LCLAT1: variants seen among roughly 807,000 people sequenced by gnomAD.
The protein encoded by LCLAT1 is lysocardiolipin acyltransferase 1, also known as 1-AGP acyltransferase 8.
Under a neutral mutation model 30.7 loss-of-function variants are expected in LCLAT1, and 11 were observed. That is an observed-to-expected ratio of 0.36 (90% confidence interval 0.23 to 0.59). LCLAT1 has a LOEUF of 0.59. Among genes scored for constraint, LCLAT1 ranks in the 20% least tolerant of loss-of-function variants. The pLI, the probability that LCLAT1 is intolerant of heterozygous loss-of-function variation, is 0.77. For missense variants in LCLAT1, 402 were observed against 458.6 expected (o/e 0.88, Z 1.13); for synonymous variants, 155 against 151.3 (o/e 1.02, Z -0.18).
intron 5 of LCLAT1, among the ~76,000 whole-genome samples, chr2:30,579,413 T>G (rs1003077297): frequency 6.6e-6 from 1 of 152,178 alleles, no homozygotes; most frequent in African/African-American, 2.4e-5. Flanking sequence ...GTAGTTAATA[T>G]CATGTGATTA....
intron 2 of LCLAT1, among the ~76,000 whole-genome samples, chr2:30,527,858 T>C (rs1019925615): frequency 2.6e-5 from 4 of 152,348 alleles, no homozygotes; most frequent in East Asian, 3.9e-4. Context: ...ATATTAATTT[T>C]AGGCTAAACT....
chr2:30,511,775 C>T (rs1261592920), intron 1 of LCLAT1, among the ~76,000 whole-genome samples: 2 of 152,202 alleles, frequency 1.3e-5, no homozygotes, highest in African/African-American at 2.4e-5. Context: ...AGAGAATAGA[C>T]ATGCAAGTTT....
intron 3 of LCLAT1, among the ~76,000 whole-genome samples, chr2:30,556,090 G>A (rs924188999): frequency 7.2e-5 from 11 of 151,836 alleles, no homozygotes; most frequent in Non-Finnish European, 1.3e-4. Context: ...CACCGTGACC[G>A]GCAACAAACT....
chr2:30,578,859 T>G (rs1028043963), intron 5 of LCLAT1, among the ~76,000 whole-genome samples: 1 of 152,140 alleles, frequency 6.6e-6, no homozygotes, highest in African/African-American at 2.4e-5. Context: ...TTCATTCACA[T>G]TAGTGTCTTA....
intron 5 of LCLAT1, among the ~76,000 whole-genome samples, chr2:30,579,070 C>A (rs1231774659): frequency 6.6e-6 from 1 of 152,132 alleles, no homozygotes; most frequent in Non-Finnish European, 1.5e-5. Context: ...GTTGCCACGG[C>A]ACCTGGCCTG....
chr2:30,491,766 G>T (rs1178322952), intron 1 of LCLAT1, among the ~76,000 whole-genome samples: 2 of 152,080 alleles, frequency 1.3e-5, no homozygotes, highest in African/African-American at 4.8e-5. Context: ...TTGCATTTGT[G>T]GTAGTACTCC....
At chr2:30,530,946 G>A (rs1685951826) in intron 2 of LCLAT1, among the ~76,000 whole-genome samples, 2 of 152,128 alleles carry the variant, frequency 1.3e-5, no homozygotes, top group African/African-American at 2.4e-5. Flanking sequence ...GTTTAGATTT[G>A]AGGTTTGGAA....
chr2:30,537,397 A>T lies in LCLAT1; in HGVS notation c.364+4083A>T, dbSNP rs189216990. Among the ~76,000 whole-genome samples the T allele has an allele frequency of 9.3e-3, 1,419 of 152,120 alleles. 25 individuals are homozygous for T. The highest frequency in any genetic ancestry group is 0.032 in the African/African-American group (1,330 of 41,496). ...AGCGAGACTCCGTCTCAAAAAAAAA[A>T]AAAGATAGACTTCAAGTTAAAAAAA... On this transcript the variant is annotated intron_variant, in intron 3 of 5. Transcript: ENST00000379509.
At position 30,590,044 on chromosome 2, in the gene LCLAT1, C is replaced by T. The variant is rs571242564; in HGVS notation, c.628+21868C>T. 3.9e-5 allele frequency among the ~76,000 whole-genome samples: 6 copies of T among 152,258 alleles called. No homozygotes were observed. In the East Asian group the frequency reaches 1.2e-3, roughly 29 times the overall value. On this transcript the variant is annotated intron_variant, in intron 5 of 5. Transcript: ENST00000379509. Reference sequence around the variant, plus strand: ...ATCATGTCTCCTTACTCAAGGACATCTGTCTGCCTTCAGTGTTGCCTTTCT... The same window carrying T: ...ATCATGTCTCCTTACTCAAGGACATTTGTCTGCCTTCAGTGTTGCCTTTCT...
At chr2:30,567,520 C>A (rs1194356531) in intron 4 of LCLAT1, among the ~76,000 whole-genome samples, 4 of 152,076 alleles carry the variant, frequency 2.6e-5, no homozygotes, top group Non-Finnish European at 5.9e-5. Flanking sequence ...TTGAAACAAA[C>A]CAGGCATGGA....
At chr2:30,529,412 A>G (rs1215812647) in intron 2 of LCLAT1, among the ~76,000 whole-genome samples, 1 of 152,206 alleles carries the variant, frequency 6.6e-6, no homozygotes, top group Non-Finnish European at 1.5e-5. Flanking sequence ...CAGGGTGACC[A>G]TTCAGTCTTT....
intron 5 of LCLAT1, among the ~76,000 whole-genome samples, chr2:30,611,646 G>C (rs1468697789): frequency 1.3e-5 from 2 of 152,118 alleles, no homozygotes; most frequent in African/African-American, 4.8e-5. Context: ...CTTGGAGTCA[G>C]GACTGGAAGC....
chr2:30,453,590 A>G (rs1681673546), intron 1 of LCLAT1, among the ~76,000 whole-genome samples: 1 of 152,216 alleles, frequency 6.6e-6, no homozygotes, highest in African/African-American at 2.4e-5. Flanking sequence ...TTTTGGATGT[A>G]CACCATGAAC....
chr2:30,551,173 C>CT (rs915729525), intron 3 of LCLAT1, among the ~76,000 whole-genome samples: 64 of 148,962 alleles, frequency 4.3e-4, no homozygotes, highest in Middle Eastern at 3.5e-3. Flanking sequence ...AAGACAACAA[C>CT]TTTTTTTTTT....
chr2:30,457,825 G>A (rs182320011), intron 1 of LCLAT1, among the ~76,000 whole-genome samples: 14 of 152,150 alleles, frequency 9.2e-5, no homozygotes, highest in Admixed American at 9.2e-4. Context: ...TTTGGGTCAC[G>A]GAATTTTATT....
At chr2:30,545,770 T>C (rs1474429571) in intron 3 of LCLAT1, among the ~76,000 whole-genome samples, 1 of 152,134 alleles carries the variant, frequency 6.6e-6, no homozygotes, top group Non-Finnish European at 1.5e-5. Context: ...TCATAAAAAG[T>C]CCATTTGCCT....
chr2:30,493,212 C>A (rs887617568), intron 1 of LCLAT1, among the ~76,000 whole-genome samples: 7 of 152,110 alleles, frequency 4.6e-5, no homozygotes, highest in Non-Finnish European at 7.3e-5. Flanking sequence ...AGTAGACTTT[C>A]TTATTATTTA....
intron 1 of LCLAT1, chr2:30,476,283 T>C (rs922252891): frequency 4.9e-6 from 2 of 406,436 alleles, no homozygotes; most frequent in African/African-American, 4.1e-5. Flanking sequence ...CCCAGAGAGG[T>C]TAAATAATTT....
At chr2:30,492,728 T>G (rs1683895159) in intron 1 of LCLAT1, among the ~76,000 whole-genome samples, 1 of 152,194 alleles carries the variant, frequency 6.6e-6, no homozygotes, top group Admixed American at 6.5e-5. Flanking sequence ...GAGCTTGCTT[T>G]CTTTGTTACT....
Sources: gnomAD v4.1 joint callset for allele counts (sites outside exome capture counted in the v4.1 genomes callset) on GRCh38, gnomAD v4.1.1 for gene constraint, MANE v1.5 for transcripts, NCBI Gene and HGNC (gene_info 2026-07-23, HGNC 2026-07-21) for gene names.